The following ADSS2 variants were observed in gnomAD, a reference collection of about 807,000 sequenced individuals.
The protein encoded by ADSS2 is adenylosuccinate synthase 2, also known as adenylosuccinate synthetase isozyme 2.
In ADSS2, 30 loss-of-function variants were observed where a neutral mutation model predicts 60.0. The ratio of observed to expected loss-of-function variants is 0.50; its 90% CI spans 0.37 to 0.68. ADSS2 has a LOEUF of 0.68. Ranked by LOEUF, ADSS2 falls within the 30% of genes least tolerant of loss-of-function variation. The probability of loss-of-function intolerance (pLI) is 0.00; values close to 1 mark genes in which losing one functional copy is unlikely to be tolerated. For missense variants in ADSS2, 373 were observed against 554.8 expected, an observed-to-expected ratio of 0.67 and a Z score of 3.29; for synonymous variants, 187 against 193.1, an observed-to-expected ratio of 0.97 and a Z score of 0.26.
intron 1 of ADSS2, among the ~76,000 whole-genome samples, chr1:244,446,944 CAAAA>C (rs2148016230): frequency 6.6e-6 from 1 of 152,104 alleles, no homozygotes; most frequent in Admixed American, 6.5e-5. Context: ...TTAATATAGA[CAAAA>C]ATCTCATTTT....
At chr1:244,430,852 T>C (rs969705456) in intron 4 of ADSS2, among the ~76,000 whole-genome samples, 4 of 152,230 alleles carry the variant, frequency 2.6e-5, no homozygotes, top group Non-Finnish European at 5.9e-5. Flanking sequence ...CCGGATGCAG[T>C]GGCTCACGCC....
intron 1 of ADSS2, among the ~76,000 whole-genome samples, chr1:244,448,007 G>C (rs1016283594): frequency 7.2e-5 from 11 of 152,052 alleles, no homozygotes; most frequent in African/African-American, 2.2e-4. Flanking sequence ...ATTTAACCAA[G>C]TATAGTATAA....
At chr1:244,449,036 G>C (rs867064692) in intron 1 of ADSS2, among the ~76,000 whole-genome samples, 20 of 152,248 alleles carry the variant, frequency 1.3e-4, no homozygotes, top group South Asian at 6.2e-4. Flanking sequence ...GGCAGCAGTA[G>C]TGGTTGTCCT....
intron 1 of ADSS2, among the ~76,000 whole-genome samples, chr1:244,444,873 T>C (rs1290094309): frequency 6.6e-6 from 1 of 152,184 alleles, no homozygotes; most frequent in Non-Finnish European, 1.5e-5. Context: ...TGCTTCCTCA[T>C]ACCTTATTTT....
At chr1:244,412,569 C>T (rs930150519) in intron 11 of ADSS2, among the ~76,000 whole-genome samples, 2 of 152,288 alleles carry the variant, frequency 1.3e-5, no homozygotes, top group Admixed American at 6.5e-5. Context: ...ACGCTATTCA[C>T]GAACTGGAGA....
chr1:244,419,784 G>A (rs1664634862), intron 8 of ADSS2, among the ~76,000 whole-genome samples: 1 of 152,080 alleles, frequency 6.6e-6, no homozygotes, highest in African/African-American at 2.4e-5. Flanking sequence ...ATATAAATAG[G>A]CTTTTATAAA....
chr1:244,423,054 G>C, intron 6 of ADSS2, 138 bp from the exon 7 acceptor site: 1 of 535,622 alleles, frequency 1.9e-6, no homozygotes. Flanking sequence ...CACCTTCTGA[G>C]AAATAAAATT....
intron 7 of ADSS2, 71 bp downstream of exon 7, chr1:244,422,762 GAA>G: frequency 8.7e-7 from 1 of 1,144,870 alleles, no homozygotes; most frequent in South Asian, 1.3e-5. Flanking sequence ...AAGCCTGCAT[GAA>G]TGAAAAGATC....
chr1:244,452,000 C>T, upstream of ADSS2: 1 of 576,016 alleles, frequency 1.7e-6, no homozygotes, highest in Non-Finnish European at 2.8e-6. This position sits in a 1 kb window ranked among gnomAD's most constrained non-coding sequence, Gnocchi z 6.6. Context: ...ACAGCCCGCT[C>T]AAGGGGGTAC....
chr1:244,418,352 C>T (rs1342344518), intron 9 of ADSS2, among the ~76,000 whole-genome samples: 2 of 152,188 alleles, frequency 1.3e-5, no homozygotes, highest in African/African-American at 4.8e-5. Context: ...GACAGAGTCT[C>T]GCTCTGTTGC....
intron 1 of ADSS2, among the ~76,000 whole-genome samples, chr1:244,444,989 A>C (rs1665349867): frequency 6.6e-6 from 1 of 152,052 alleles, no homozygotes; most frequent in South Asian, 2.1e-4. Flanking sequence ...GCCACAGCAA[A>C]CTGATCCAGG....
chr1:244,421,479 A>G (rs1327345741), intron 7 of ADSS2, among the ~76,000 whole-genome samples: 1 of 152,188 alleles, frequency 6.6e-6, no homozygotes, highest in Non-Finnish European at 1.5e-5. Flanking sequence ...TATGCCTGAA[A>G]TGACCACACT....
At chr1:244,424,644 C>T (rs1664755129) in intron 4 of ADSS2, 1 of 273,920 alleles carries the variant, frequency 3.7e-6, no homozygotes, top group African/African-American at 2.2e-5. Context: ...AATTTTGAAA[C>T]ATCTTGCCCT....
chr1:244,445,426 AT>A (rs1380517007), intron 1 of ADSS2, among the ~76,000 whole-genome samples: 16 of 152,330 alleles, frequency 1.1e-4, no homozygotes, highest in Middle Eastern at 3.4e-3. Context: ...ATATAATAGT[AT>A]TTAGTTATTC....
At chr1:244,444,367 T>G (rs921573772) in intron 1 of ADSS2, among the ~76,000 whole-genome samples, 1 of 148,384 alleles carries the variant, frequency 6.7e-6, no homozygotes, top group South Asian at 2.1e-4. Flanking sequence ...TACAAAAAAT[T>G]AGCCGGGCGT....
intron 5 of ADSS2, 33 bp from the exon 6 acceptor site, chr1:244,424,093 G>A: frequency 6.4e-7 from 1 of 1,565,768 alleles, no homozygotes; most frequent in Admixed American, 1.8e-5. Flanking sequence ...CTTTAAGTCA[G>A]ACAAGAAAGA....
At chr1:244,433,918 A>G (rs1286982669) in intron 3 of ADSS2, among the ~76,000 whole-genome samples, 1 of 151,638 alleles carries the variant, frequency 6.6e-6, no homozygotes, top group African/African-American at 2.4e-5. Flanking sequence ...TAATTCTTCT[A>G]AAGTACTACT....
In ADSS2 at chr1:244,451,177, C is replaced by G. The variant is rs1415906670; in HGVS notation, c.183+458G>C. ...GTTTCGAAACAATCCACTCCCACTCCGCCGCCCTGGGCGGGGCGGGGGGGC... is the reference window on the plus strand; with the variant it reads ...GTTTCGAAACAATCCACTCCCACTCGGCCGCCCTGGGCGGGGCGGGGGGGC... On this transcript the variant is annotated intron_variant, in intron 1 of 12. Transcript: ENST00000366535. This position sits in a 1 kb window ranked among gnomAD's most constrained non-coding sequence, Gnocchi z 6.6. Among the ~76,000 whole-genome samples, 1 of 152,126 alleles carries G rather than the reference C, an allele frequency of 6.6e-6. No individual in the cohort carries two copies. The highest frequency in any genetic ancestry group is 1.9e-4 in the East Asian group (1 of 5,166).
Position 244,451,686 on chromosome 1 carries a change from C to T in ADSS2, c.132G>A (p.Gly44=), listed in dbSNP as rs1409461838. The change falls in exon 1 of 13, where the codon GGG becomes GGA. Residue 44 remains glycine (G), a synonymous_variant. Transcript: ENST00000366535. This position sits in a 1 kb window ranked among gnomAD's most constrained non-coding sequence, Gnocchi z 6.6. The part of the protein sequence containing the change: ...LGAQWGDEGK[G]KVVDLLAQDA... ...CCTGCGCCAGCAGGTCCACCACCTT[C>T]CCTTTGCCTTCGTCGCCCCACTGCG... 2 of 1,612,694 alleles carry T rather than the reference C, an allele frequency of 1.2e-6. No individual in the cohort carries two copies. The highest frequency in any genetic ancestry group is 1.7e-6 in the Non-Finnish European group (2 of 1,179,416).
Sources: allele counts gnomAD v4.1 joint callset (sites outside exome capture counted in the v4.1 genomes callset), GRCh38; gene constraint gnomAD v4.1.1; non-coding constraint Gnocchi (gnomAD v3.1); transcripts MANE v1.5; gene names NCBI Gene and HGNC (gene_info 2026-07-23, HGNC 2026-07-21).